KIF23: variants seen among roughly 807,000 people sequenced by gnomAD.
KIF23 encodes kinesin family member 23.
In KIF23, 30 loss-of-function variants were observed where a neutral mutation model predicts 137.5. The ratio of observed to expected loss-of-function variants is 0.22; its 90% confidence interval spans 0.16 to 0.30. KIF23 has a LOEUF of 0.30. KIF23 is among the 10% of genes least tolerant of loss of function. KIF23 has a pLI of 1.00. For missense variants in KIF23, 920 were observed against 1,194.3 expected, an observed-to-expected ratio of 0.77 and a Z score of 3.38; for synonymous variants, 367 against 391.1, an observed-to-expected ratio of 0.94 and a Z score of 0.73.
chr15:69,424,503 A>G (rs146733601), intron 7 of KIF23, among the ~76,000 whole-genome samples: 47 of 152,280 alleles, frequency 3.1e-4, no homozygotes, highest in African/African-American at 1.1e-3. Flanking sequence ...TACATGGAAG[A>G]GTTAAAACCT....
rs12591357 is a variant in KIF23, at chr15:69,435,983, C to T, written c.1315-155C>T. 8.2e-3 allele frequency among the ~76,000 whole-genome samples: 1,252 copies of T among 152,150 alleles called. 37 individuals are homozygous for T. The East Asian group carries it at 0.12, about 14-fold the overall frequency. On this transcript the variant is annotated intron_variant, in intron 13 of 23. Coordinates refer to ENST00000679126, the MANE Select transcript of KIF23 (RefSeq NM_001367805.3). ...GATCAATTGGGCCCACCTGGGAGGT[C>T]GAAGCTGCAGTGAGTCGTGTTCATG...
chr15:69,427,506 G>A, intron 10 of KIF23: 1 of 450,308 alleles, frequency 2.2e-6, no homozygotes, highest in Non-Finnish European at 4.4e-6. Context: ...TTCTGTAAGT[G>A]GAAATTCAGT....
At position 69,444,610 on chromosome 15, in the gene KIF23, T is replaced by G; in HGVS notation, c.2422-180T>G. The stretch of plus-strand genomic sequence containing the variant: ...CCAGATAGAATGTGTAACATACAAG[T>G]TGGTGTTAAAGATGTTTGTTGGTTT... On this transcript the variant is annotated intron_variant, in intron 19 of 23. Coordinates refer to ENST00000679126, the MANE Select transcript of KIF23 (RefSeq NM_001367805.3). The surrounding 1 kb of genome is among the most constrained non-coding windows in gnomAD (Gnocchi z 4.2). 1.6e-6 allele frequency: 1 copy of G among 610,522 alleles called. No homozygotes were observed. Among genetic ancestry groups the G allele is most frequent in the Non-Finnish European group, 2.8e-6 (1 of 360,510 alleles). 37.8% of individuals were successfully genotyped at this position (610,522 alleles called of 1,614,324 possible). A position where few individuals can be genotyped will look rare whatever the true frequency, so the allele number is the denominator to read the frequency against.
chr15:69,432,874 A>G (rs1282187899), intron 11 of KIF23, among the ~76,000 whole-genome samples: 1 of 152,234 alleles, frequency 6.6e-6, no homozygotes, highest in African/African-American at 2.4e-5. Flanking sequence ...ATTTGTATTG[A>G]TACCAATTAC....
At position 69,435,690 on chromosome 15, in the gene KIF23, C is replaced by A; in HGVS notation, c.1233C>A (p.Phe411Leu). ...GAGATTCAAAGTTAACCCATCTGTT[C>A]AAGAACTACTTTGATGGGGAAGGAA... is the stretch of plus-strand genomic sequence containing the variant. Reference protein sequence around the residue: ...PYRDSKLTHLFKNYFDGEGKV... With the variant: ...PYRDSKLTHLLKNYFDGEGKV... Residue 411 changes from phenylalanine (F) to leucine (L), a missense_variant, in exon 13 of 24, where the codon TTC (phenylalanine) becomes TTA (leucine). Physicochemically the swap from Phe to Leu is conservative, Grantham distance 22 (BLOSUM62 0). Around this residue, in one of 4 missense-constraint regions of KIF23, gnomAD observed 714 missense variants for 866.2 expected, o/e 0.82. Transcript: ENST00000679126. 1.9e-6 allele frequency: 3 copies of A among 1,614,066 alleles called. No homozygotes were observed. The South Asian group carries it at 3.3e-5, about 18-fold the overall frequency.
At chr15:69,434,207 A>G (rs1283560859) in intron 11 of KIF23, among the ~76,000 whole-genome samples, 2 of 152,210 alleles carry the variant, frequency 1.3e-5, no homozygotes, top group Non-Finnish European at 2.9e-5. Context: ...ATCCAGTTTT[A>G]TGAAAGAAAA....
At chr15:69,426,723 A>G (rs147500091) in intron 10 of KIF23, 53 of 349,588 alleles carry the variant, frequency 1.5e-4, no homozygotes, top group African/African-American at 1.0e-3. Flanking sequence ...CTGTCTTGAA[A>G]AAAAAAGTTA....
At chr15:69,414,829 T>A in intron 1 of KIF23, 1 of 262,146 alleles carries the variant, frequency 3.8e-6, no homozygotes, top group East Asian at 7.1e-5. Context: ...CCTCGCTGGC[T>A]GCCGCCGCCT....
Position 69,444,352 on chromosome 15 carries a change from G to A in KIF23, c.2422-438G>A, listed in dbSNP as rs1172301727. ...GTTCTTATTATACCTATGTTCTTAG[G>A]ATTGTTTTCTGTTTTGTTTAGAAGC... On this transcript the variant is annotated intron_variant, in intron 19 of 23. Transcript: ENST00000679126. The surrounding 1 kb of genome is among the most constrained non-coding windows in gnomAD (Gnocchi z 4.2). 1 of 155,580 alleles carries A rather than the reference G, an allele frequency of 6.4e-6. No homozygotes were observed. The highest frequency in any genetic ancestry group is 1.4e-5 in the Non-Finnish European group (1 of 70,588). The allele number at this position is 155,580 out of a possible 1,614,324, so 9.6% of individuals were successfully genotyped here.
chr15:69,420,256 T>G (rs2140319666), intron 3 of KIF23, among the ~76,000 whole-genome samples: 1 of 150,006 alleles, frequency 6.7e-6, no homozygotes, highest in Non-Finnish European at 1.5e-5. Flanking sequence ...AGAGTGAGAC[T>G]CTGTTTCAAA....
chr15:69,431,166 A>G (rs1454791344), intron 11 of KIF23, among the ~76,000 whole-genome samples: 9 of 152,230 alleles, frequency 5.9e-5, no homozygotes, highest in Non-Finnish European at 1.0e-4. Flanking sequence ...ATTGAGGAGA[A>G]GCAGTTTTAG....
Position 69,444,389 on chromosome 15 carries a change from G to T in KIF23, c.2422-401G>T, listed in dbSNP as rs1208145771. 4 of 160,014 alleles carry T rather than the reference G, an allele frequency of 2.5e-5. No homozygotes were observed. Among genetic ancestry groups the T allele is most frequent in the Non-Finnish European group, 5.4e-5 (4 of 73,512 alleles). The allele number at this position is 160,014 out of a possible 1,614,324, so 9.9% of individuals were successfully genotyped here. ...TTTTGTTTAGAAGCCTAGAAAATGT[G>T]TAGGGCTTTCATTGATCTTATTGAA... is the stretch of plus-strand genomic sequence containing the variant. On this transcript the variant is annotated intron_variant, in intron 19 of 23. Transcript: ENST00000679126. The surrounding 1 kb of genome is among the most constrained non-coding windows in gnomAD (Gnocchi z 4.2).
chr15:69,418,284 C>G (rs1200590509), intron 3 of KIF23, among the ~76,000 whole-genome samples: 1 of 152,172 alleles, frequency 6.6e-6, no homozygotes, highest in Non-Finnish European at 1.5e-5. Flanking sequence ...ACTCTCCTGT[C>G]TCCCCCTCCA....
intron 5 of KIF23, 76 bp downstream of exon 5, chr15:69,422,204 A>G: frequency 6.6e-7 from 1 of 1,523,294 alleles, no homozygotes; most frequent in Non-Finnish European, 8.9e-7. Flanking sequence ...GTAAAGAAGA[A>G]CCAAAGCACT....
At chr15:69,440,664 T>C in intron 18 of KIF23, 104 bp from the exon 19 acceptor site, 1 of 1,136,392 alleles carries the variant, frequency 8.8e-7, no homozygotes, top group South Asian at 1.8e-5. Flanking sequence ...AACAAATAAT[T>C]ATTTGTAATG....
chr15:69,441,226 T>C, intron 19 of KIF23, 147 bp downstream of exon 19: 3 of 786,826 alleles, frequency 3.8e-6, no homozygotes, highest in Non-Finnish European at 5.9e-6. Context: ...AAAGATTGAC[T>C]TACGGAAATT....
chr15:69,422,179 A>G (rs573840379), intron 5 of KIF23, 51 bp downstream of exon 5: 111 of 1,592,742 alleles, frequency 7.0e-5, no homozygotes, highest in Non-Finnish European at 8.7e-5. Context: ...TAAGACACCT[A>G]TGGATACAGT....
intron 15 of KIF23, among the ~76,000 whole-genome samples, chr15:69,437,057 T>G (rs1214550420): frequency 1.3e-5 from 2 of 152,186 alleles, no homozygotes; most frequent in African/African-American, 4.8e-5. Context: ...TCCCAGCCAA[T>G]TTGCAATAAT....
At chr15:69,429,594 A>G (rs2057301609) in intron 11 of KIF23, among the ~76,000 whole-genome samples, 1 of 152,188 alleles carries the variant, frequency 6.6e-6, no homozygotes, top group Admixed American at 6.5e-5. Flanking sequence ...GGAATGAGCC[A>G]CTGTAACCGG....
Sources: allele counts gnomAD v4.1 joint callset (sites outside exome capture counted in the v4.1 genomes callset), GRCh38; gene constraint gnomAD v4.1.1; regional missense constraint gnomAD v4.1.1; non-coding constraint Gnocchi (gnomAD v3.1); transcripts MANE v1.5; gene names NCBI Gene and HGNC (gene_info 2026-07-23, HGNC 2026-07-21).